The following ZNF518A variants were observed in gnomAD, a reference collection of about 807,000 sequenced individuals.
The protein encoded by ZNF518A is zinc finger protein 518.
Under a neutral mutation model 102.7 loss-of-function variants are expected in ZNF518A, and 47 were observed. The observed-to-expected ratio is 0.46, with a 90% CI of 0.36 to 0.58. The LOEUF (loss-of-function observed/expected upper bound fraction) is 0.58. ZNF518A is among the 20% of genes least tolerant of loss of function. The probability of loss-of-function intolerance (pLI) is 0.00; values close to 1 mark genes in which losing one functional copy is unlikely to be tolerated. For missense variants in ZNF518A, 1,793 were observed against 1,699.8 expected, an observed-to-expected ratio of 1.05 and a Z score of -0.96; for synonymous variants, 652 against 594.6, an observed-to-expected ratio of 1.10 and a Z score of -1.40.
intron 1 of ZNF518A, among the ~76,000 whole-genome samples, chr10:96,169,059 T>G (rs2083159085): frequency 6.6e-6 from 1 of 152,228 alleles, no homozygotes. Context: ...GGCTGGTTCT[T>G]GCTCTGTTGC....
intron 1 of ZNF518A, among the ~76,000 whole-genome samples, chr10:96,175,394 C>T (rs1164138394): frequency 2.6e-5 from 4 of 152,174 alleles, no homozygotes; most frequent in Non-Finnish European, 5.9e-5. Context: ...GGTCCCAAAA[C>T]CTCATCTTTA....
Position 96,185,753 on chromosome 10 carries a change from G to T in ZNF518A, n.36-17821G>T, listed in dbSNP as rs587625221. The stretch of plus-strand genomic sequence containing the variant: ...CTACTGGGAGGTGTCTCCCAGTTAG[G>T]CTACACAGGGGAGGACATTTAAGTC... On this transcript the variant is annotated intron_variant and non_coding_transcript_variant, in intron 1 of 2. Transcript: ENST00000442635. 3.6e-4 allele frequency among the ~76,000 whole-genome samples: 55 copies of T among 152,156 alleles called. 1 individual carries two copies. Among genetic ancestry groups the T allele is most frequent in the Non-Finnish European group, 7.2e-4 (49 of 68,018 alleles).
intron 1 of ZNF518A, chr10:96,201,038 G>T (rs1554896013): frequency 6.2e-7 from 1 of 1,614,028 alleles, no homozygotes; most frequent in South Asian, 1.1e-5. Flanking sequence ...TCCACAGTTG[G>T]GTTTCCCCCT....
chr10:96,173,139 A>G (rs2083183128), intron 1 of ZNF518A, among the ~76,000 whole-genome samples: 1 of 152,184 alleles, frequency 6.6e-6, no homozygotes, highest in Non-Finnish European at 1.5e-5. Context: ...TGTGAATACT[A>G]TGCCATTTTA....
chr10:96,191,853 T>C, intron 1 of ZNF518A: 1 of 1,357,580 alleles, frequency 7.4e-7, no homozygotes, highest in East Asian at 2.3e-5. Context: ...GCTGACTCCA[T>C]CTTCCATTTT....
chr10:96,157,919 T>G lies in ZNF518A; in HGVS notation c.1597T>G (p.Leu533Val), dbSNP rs1554883956. 2 of 1,613,708 alleles carry G rather than the reference T, an allele frequency of 1.2e-6. No homozygotes were observed. Among genetic ancestry groups the G allele is most frequent in the Admixed American group, 3.3e-5 (2 of 59,984 alleles). The change falls in exon 6 of 6, where the codon TTG becomes GTG. Residue 533 changes from leucine to valine, a missense_variant. Coordinates refer to ENST00000316045, the MANE Select transcript of ZNF518A (RefSeq NM_001330736.2). ...GKASSEKEMT[L>V]ISQRNNMLQT... ...AGCAAGTTCAGAAAAAGAAATGACT[T>G]TGATATCTCAAAGGAATAATATGCT...
chr10:96,165,395 C>T (rs1283002769), downstream of ZNF518A, among the ~76,000 whole-genome samples: 2 of 151,192 alleles, frequency 1.3e-5, no homozygotes, highest in African/African-American at 4.9e-5. Context: ...GCATGAGCCA[C>T]CATGCCCAGC....
At chr10:96,191,872 A>G in intron 1 of ZNF518A, 1 of 1,491,530 alleles carries the variant, frequency 6.7e-7, no homozygotes, top group Non-Finnish European at 9.3e-7. Flanking sequence ...TTATTACTGG[A>G]TGATTCATAA....
intron 3 of ZNF518A, among the ~76,000 whole-genome samples, chr10:96,141,468 G>A (rs2081923192): frequency 6.6e-6 from 1 of 152,196 alleles, no homozygotes; most frequent in Non-Finnish European, 1.5e-5. Context: ...AAATAAAGGT[G>A]TATGTGTGGG....
upstream of ZNF518A, chr10:96,130,225 C>G (rs982324351): frequency 6.5e-6 from 1 of 152,692 alleles, no homozygotes; most frequent in East Asian, 1.9e-4. Context: ...GTCCCCCAAA[C>G]AGGTCCAGGG....
At chr10:96,144,024 C>T (rs1554877527) in intron 3 of ZNF518A, among the ~76,000 whole-genome samples, 1 of 152,120 alleles carries the variant, frequency 6.6e-6, no homozygotes, top group African/African-American at 2.4e-5. Flanking sequence ...CTCGCTGTGT[C>T]ACCTAGGCTG....
Position 96,158,341 on chromosome 10 carries a change from T to C in ZNF518A, c.2019T>C (p.Val673=). The change falls in exon 6 of 6, where the codon GTT becomes GTC. Residue 673 remains valine, a synonymous_variant. Transcript: ENST00000316045. ...GAGAATCTTCATCCAGCAAAACAGT[T>C]GTCCAACAACCAATTAGTGAATCAT... ...PQRESSSSKT[V]VQQPISESFL... is the part of the protein sequence containing the mutation. 6.2e-7 allele frequency: 1 copy of C among 1,613,786 alleles called. No individual in the cohort carries two copies. Among genetic ancestry groups the C allele is most frequent in the Non-Finnish European group, 8.5e-7 (1 of 1,179,770 alleles).
intron 1 of ZNF518A, chr10:96,201,078 T>C: frequency 6.3e-7 from 1 of 1,599,974 alleles, no homozygotes; most frequent in South Asian, 1.1e-5. Context: ...ATCAGAAAAG[T>C]CCTTCAATTA....
chr10:96,176,897 AAAAC>A (rs782017307), intron 1 of ZNF518A, among the ~76,000 whole-genome samples: 7 of 152,244 alleles, frequency 4.6e-5, no homozygotes, highest in Non-Finnish European at 1.0e-4. Flanking sequence ...ACTCTGTCTC[AAAAC>A]AAACAAACAA....
In ZNF518A at chr10:96,200,264, AT is replaced by A; in HGVS notation, n.36-3307del. 1.4e-6 allele frequency: 1 copy of A among 726,914 alleles called. No homozygotes were observed. The allele number at this position is 726,914 out of a possible 1,614,324, so 45.0% of individuals were successfully genotyped here. ...TTGCATTATCAAGACAGGCCTCTAC[AT>A]TTACACCAATAATTTTAAGATGAGT... On this transcript the variant is annotated intron_variant and non_coding_transcript_variant, in intron 1 of 2. Coordinates refer to the ZNF518A transcript ENST00000442635. This position sits in a 1 kb window ranked among gnomAD's most constrained non-coding sequence, Gnocchi z 4.3.
chr10:96,176,852 G>A (rs1346784502), intron 1 of ZNF518A, among the ~76,000 whole-genome samples: 4 of 152,124 alleles, frequency 2.6e-5, no homozygotes, highest in Admixed American at 6.6e-5. Context: ...AGCTGAGATC[G>A]TGCCACTGCA....
intron 1 of ZNF518A, among the ~76,000 whole-genome samples, chr10:96,180,452 C>T (rs958167978): frequency 4.7e-4 from 71 of 151,830 alleles, no homozygotes; most frequent in Non-Finnish European, 2.2e-4. Context: ...CCCATTAACT[C>T]GTAATTTACA....
intron 1 of ZNF518A, 134 bp downstream of exon 1, chr10:96,130,886 C>T (rs1190140974): frequency 6.6e-6 from 1 of 152,178 alleles, no homozygotes; most frequent in African/African-American, 2.4e-5. Context: ...CAGTCTCTTC[C>T]TAGGTGGCTG....
chr10:96,150,930 T>A (rs2133628411), intron 3 of ZNF518A, among the ~76,000 whole-genome samples: 1 of 151,878 alleles, frequency 6.6e-6, no homozygotes. Flanking sequence ...TTTTTGTATT[T>A]TTAGTAGAGA....
Sources: allele counts gnomAD v4.1 joint callset (sites outside exome capture counted in the v4.1 genomes callset), GRCh38; gene constraint gnomAD v4.1.1; non-coding constraint Gnocchi (gnomAD v3.1); transcripts MANE v1.5; gene names NCBI Gene and HGNC (gene_info 2026-07-23, HGNC 2026-07-21).